The following SCUBE1 variants were observed in gnomAD, a reference collection of about 807,000 sequenced individuals.
SCUBE1 encodes signal peptide, CUB and EGF-like domain-containing protein 1.
In SCUBE1, 59 loss-of-function variants were observed where a neutral mutation model predicts 124.4. The observed-to-expected ratio is 0.47, with a 90% CI of 0.38 to 0.59. The LOEUF (loss-of-function observed/expected upper bound fraction) is 0.59, where lower values mean the gene tolerates loss of function less well. SCUBE1 is among the 20% of genes least tolerant of loss of function. SCUBE1 has a pLI of 0.00. For missense variants in SCUBE1, 1,150 were observed against 1,371.2 expected (o/e 0.84, Z 2.55); for synonymous variants, 545 against 550.9 (o/e 0.99, Z 0.15).
Position 43,300,660 on chromosome 22 carries a change from C to T in SCUBE1, c.350-9480G>A, listed in dbSNP as rs188568325. 3.2e-4 allele frequency among the ~76,000 whole-genome samples: 48 copies of T among 152,242 alleles called. No individual in the cohort carries two copies. The East Asian group carries it at 8.5e-3, about 27-fold the overall frequency. Reference sequence around the variant, plus strand: ...TTACCAGATATATGATTGGCAAATACTTTTTCCTATTCTGTGGACACCACC... The same window carrying T: ...TTACCAGATATATGATTGGCAAATATTTTTTCCTATTCTGTGGACACCACC... On this transcript the variant is annotated intron_variant, in intron 3 of 21. Coordinates refer to ENST00000360835, the MANE Select transcript of SCUBE1 (RefSeq NM_173050.5).
At chr22:43,285,075 G>A (rs947236471) in intron 4 of SCUBE1, among the ~76,000 whole-genome samples, 2 of 152,138 alleles carry the variant, frequency 1.3e-5, no homozygotes, top group Non-Finnish European at 2.9e-5. Context: ...GCTGCCCCAC[G>A]GCCTGTTCCA....
intron 3 of SCUBE1, among the ~76,000 whole-genome samples, chr22:43,306,242 G>A (rs1925964930): frequency 6.6e-6 from 1 of 152,194 alleles, no homozygotes; most frequent in Admixed American, 6.5e-5. Flanking sequence ...TGTCTGGTTT[G>A]GGGGCATATG....
At chr22:43,320,719 A>G (rs1926514493) in intron 2 of SCUBE1, among the ~76,000 whole-genome samples, 1 of 152,198 alleles carries the variant, frequency 6.6e-6, no homozygotes, top group Non-Finnish European at 1.5e-5. Flanking sequence ...TCAATCCCAC[A>G]TTAACTCAGT....
chr22:43,216,864 C>A, intron 15 of SCUBE1, among the ~76,000 whole-genome samples: 1 of 114,172 alleles, frequency 8.8e-6, no homozygotes, highest in Non-Finnish European at 1.8e-5. Context: ...CTTCCCCCCA[C>A]CCACCCCCCG....
chr22:43,259,173 A>G (rs73886540), intron 5 of SCUBE1, among the ~76,000 whole-genome samples: 4,618 of 152,238 alleles, frequency 0.03, 247 homozygotes, highest in African/African-American at 0.11. Flanking sequence ...CCAGGGTGAG[A>G]GAGATCGCTA....
At chr22:43,206,535 G>A (rs890516873) in intron 21 of SCUBE1, among the ~76,000 whole-genome samples, 6 of 152,278 alleles carry the variant, frequency 3.9e-5, no homozygotes, top group South Asian at 4.1e-4. Flanking sequence ...GGAGGGGCAC[G>A]CGGGACCTAA....
At chr22:43,245,811 C>A (rs1044420336) in intron 6 of SCUBE1, among the ~76,000 whole-genome samples, 1 of 152,220 alleles carries the variant, frequency 6.6e-6, no homozygotes, top group Non-Finnish European at 1.5e-5. Flanking sequence ...GCTTGGGGAA[C>A]AATTTGCAAG....
intron 8 of SCUBE1, 135 bp downstream of exon 8, chr22:43,231,618 G>A (rs1319451847): frequency 1.3e-5 from 14 of 1,092,000 alleles, no homozygotes; most frequent in Admixed American, 1.2e-4. Flanking sequence ...CCCTAGAGTC[G>A]TAAAGGACCC....
intron 3 of SCUBE1, among the ~76,000 whole-genome samples, chr22:43,310,232 T>C (rs927581442): frequency 1.3e-5 from 2 of 152,022 alleles, no homozygotes; most frequent in African/African-American, 4.8e-5. Context: ...GTCCCCCTTC[T>C]GCTTGGACAG....
At chr22:43,308,590 G>A (rs1926060101) in intron 3 of SCUBE1, among the ~76,000 whole-genome samples, 1 of 152,220 alleles carries the variant, frequency 6.6e-6, no homozygotes, top group African/African-American at 2.4e-5. Context: ...TGTCTTCCAG[G>A]ACAAGAGGGC....
At chr22:43,286,249 G>T (rs7292664) in intron 4 of SCUBE1, among the ~76,000 whole-genome samples, 3,797 of 152,372 alleles carry the variant, frequency 0.025, 169 homozygotes, top group African/African-American at 0.088. Context: ...ACACAGAGAA[G>T]TTAAGTGACT....
chr22:43,286,546 G>C (rs891252376), intron 4 of SCUBE1, among the ~76,000 whole-genome samples: 1 of 152,204 alleles, frequency 6.6e-6, no homozygotes, highest in Admixed American at 6.5e-5. Flanking sequence ...CTGGACCCTC[G>C]GAATAGCAAC....
chr22:43,284,425 G>A (rs1352736850), intron 4 of SCUBE1, among the ~76,000 whole-genome samples: 6 of 152,246 alleles, frequency 3.9e-5, no homozygotes, highest in Admixed American at 1.3e-4. Flanking sequence ...GGTGGTGCCA[G>A]CTATAAAGGC....
intron 10 of SCUBE1, among the ~76,000 whole-genome samples, chr22:43,225,397 G>A (rs896148752): frequency 2.0e-5 from 3 of 151,994 alleles, no homozygotes; most frequent in Non-Finnish European, 4.4e-5. Context: ...TATTGTCCCG[G>A]ATGATCAGAT....
At position 43,255,151 on chromosome 22, in the gene SCUBE1, C is replaced by T. The variant is rs1027965850; in HGVS notation, c.727+3068G>A. On this transcript the variant is annotated intron_variant, in intron 6 of 21. Coordinates refer to ENST00000360835, the MANE Select transcript of SCUBE1 (RefSeq NM_173050.5). The surrounding 1 kb of genome is among the most constrained non-coding windows in gnomAD (Gnocchi z 4.7). ...GCAAGTCGGGGAGCTTTACGACACA[C>T]GTCTCCTTACACGCACAGGCCAGTG... Among the ~76,000 whole-genome samples, 3 of 152,228 alleles carry T rather than the reference C, an allele frequency of 2.0e-5. No homozygotes were observed. Among genetic ancestry groups the T allele is most frequent in the South Asian group, 2.1e-4 (1 of 4,830 alleles).
intron 3 of SCUBE1, among the ~76,000 whole-genome samples, chr22:43,312,059 G>A (rs182896397): frequency 3.3e-4 from 51 of 152,306 alleles, no homozygotes; most frequent in Non-Finnish European, 5.3e-4. Context: ...GAGGGAGCAG[G>A]CATTGCCCGT....
chr22:43,250,011 G>T (rs1019452293), intron 6 of SCUBE1, among the ~76,000 whole-genome samples: 1 of 152,238 alleles, frequency 6.6e-6, no homozygotes, highest in Admixed American at 6.5e-5. Flanking sequence ...TGCTTCCTAC[G>T]TGCCTGGCAC....
At chr22:43,244,510 C>T (rs547270861) in intron 6 of SCUBE1, among the ~76,000 whole-genome samples, 2 of 152,342 alleles carry the variant, frequency 1.3e-5, no homozygotes, top group East Asian at 1.9e-4. Flanking sequence ...CTCTGTTGGG[C>T]CTGGAAGGGA....
chr22:43,311,770 C>G (rs1338310636), intron 3 of SCUBE1, among the ~76,000 whole-genome samples: 1 of 152,026 alleles, frequency 6.6e-6, no homozygotes, highest in East Asian at 1.9e-4. Flanking sequence ...GTGAATATTT[C>G]TGGCTTCCTC....
Sources: gnomAD v4.1 joint callset for allele counts (sites outside exome capture counted in the v4.1 genomes callset) on GRCh38, gnomAD v4.1.1 for gene constraint, Gnocchi (gnomAD v3.1) non-coding constraint, MANE v1.5 for transcripts, NCBI Gene and HGNC (gene_info 2026-07-23, HGNC 2026-07-21) for gene names.